SPATA31F3: variants seen among roughly 807,000 people sequenced by gnomAD.
SPATA31F3 encodes the protein protein SPATA31F3.
chr9:34,890,986 T>C, the SPATA31F3 span, among the ~76,000 whole-genome samples: 3 of 151,968 alleles, frequency 2.0e-5, no homozygotes, highest in Non-Finnish European at 4.4e-5. Flanking sequence ...GAGGCTCTGA[T>C]GGGCTCAATC....
the SPATA31F3 span, chr9:34,892,793 C>T: frequency 1.5e-5 from 9 of 610,104 alleles, no homozygotes; most frequent in East Asian, 1.1e-4. Flanking sequence ...TCTCTGTCCT[C>T]GCTGAAAGTG....
the SPATA31F3 span, chr9:34,894,391 G>T: frequency 3.7e-4 from 147 of 398,376 alleles, no homozygotes; most frequent in Non-Finnish European, 5.8e-4. Context: ...GCTGAGAAAT[G>T]ATCACAGACC....
At chr9:34,890,631 G>C in the SPATA31F3 span, among the ~76,000 whole-genome samples, 1 of 152,166 alleles carries the variant, frequency 6.6e-6, no homozygotes, top group Non-Finnish European at 1.5e-5. Flanking sequence ...GAAGTTTCTG[G>C]AGTAATGTTT....
At chr9:34,895,443 C>T in the SPATA31F3 span, 1 of 397,218 alleles carries the variant, frequency 2.5e-6, no homozygotes, top group African/African-American at 2.1e-5. Flanking sequence ...GAATAATCAC[C>T]CAAATTGGGA....
the SPATA31F3 span, chr9:34,892,955 T>A: frequency 2.9e-6 from 2 of 692,978 alleles, no homozygotes; most frequent in Non-Finnish European, 5.2e-6. Flanking sequence ...CTGACTATGC[T>A]TAAAAGACAC....
At chr9:34,894,864 C>A in the SPATA31F3 span, among the ~76,000 whole-genome samples, 2 of 152,020 alleles carry the variant, frequency 1.3e-5, no homozygotes, top group African/African-American at 2.4e-5. Flanking sequence ...TTTTAATGTG[C>A]CTAGGCTCTG....
chr9:34,894,390 T>C, the SPATA31F3 span: 1 of 398,518 alleles, frequency 2.5e-6, no homozygotes, highest in African/African-American at 2.1e-5. Context: ...AGCTGAGAAA[T>C]GATCACAGAC....
At chr9:34,892,369 G>A in the SPATA31F3 span, among the ~76,000 whole-genome samples, 236 of 152,298 alleles carry the variant, frequency 1.5e-3, 1 homozygote, top group African/African-American at 5.4e-3. Context: ...CTTAGAGATA[G>A]CATTCAGAGT....
At chr9:34,894,490 A>G in the SPATA31F3 span, 1 of 398,650 alleles carries the variant, frequency 2.5e-6, no homozygotes, top group Non-Finnish European at 4.4e-6. Flanking sequence ...TCTTCCTGTG[A>G]AGTTCTCCTA....
chr9:34,893,938 A>G, the SPATA31F3 span, among the ~76,000 whole-genome samples: 2 of 152,154 alleles, frequency 1.3e-5, no homozygotes, highest in African/African-American at 2.4e-5. Flanking sequence ...GATATACTCA[A>G]TATCTTTTGG....
At chr9:34,892,754 A>G in the SPATA31F3 span, 105 of 501,208 alleles carry the variant, frequency 2.1e-4, no homozygotes, top group Non-Finnish European at 3.5e-4. Context: ...CAGAGATCCC[A>G]TGACCTGGGA....
At chr9:34,894,074 A>T in the SPATA31F3 span, among the ~76,000 whole-genome samples, 1 of 152,226 alleles carries the variant, frequency 6.6e-6, no homozygotes, top group Non-Finnish European at 1.5e-5. Flanking sequence ...GACTCAGAGG[A>T]GAGGGAATAA....
the SPATA31F3 span, among the ~76,000 whole-genome samples, chr9:34,894,105 C>T: frequency 6.6e-6 from 1 of 152,184 alleles, no homozygotes. Flanking sequence ...ACAGGGATGA[C>T]TTCTTTACGC....
At chr9:34,891,678 A>G in the SPATA31F3 span, among the ~76,000 whole-genome samples, 2 of 152,202 alleles carry the variant, frequency 1.3e-5, no homozygotes, top group East Asian at 3.8e-4. Context: ...GCCTCTGGGC[A>G]TGGTCTAGGA....
chr9:34,889,311 G>A, the SPATA31F3 span: 5 of 398,574 alleles, frequency 1.3e-5, no homozygotes, highest in Non-Finnish European at 2.2e-5. Flanking sequence ...TGTAGGAGTG[G>A]CACAGGACCC....
chr9:34,893,392 G>A, the SPATA31F3 span, among the ~76,000 whole-genome samples: 1 of 152,112 alleles, frequency 6.6e-6, no homozygotes. Flanking sequence ...CCTGAGGTCA[G>A]GAGTTCGAGA....
At chr9:34,895,742 A>G in the SPATA31F3 span, 1 of 403,144 alleles carries the variant, frequency 2.5e-6, no homozygotes, top group Admixed American at 4.4e-5. Context: ...CTCACTAGCC[A>G]TCCCTCTCCC....
At chr9:34,889,714 G>A in the SPATA31F3 span, 1 of 397,730 alleles carries the variant, frequency 2.5e-6, no homozygotes, top group Non-Finnish European at 4.4e-6. Context: ...GTGTGGCCCT[G>A]CAAATTTTGA....
chr9:34,890,206 G>A, the SPATA31F3 span, among the ~76,000 whole-genome samples: 1 of 152,176 alleles, frequency 6.6e-6, no homozygotes, highest in African/African-American at 2.4e-5. Flanking sequence ...GCCCCTACTC[G>A]CCCCTGAACC....
Sources: gnomAD v4.1 joint callset for allele counts (sites outside exome capture counted in the v4.1 genomes callset) on GRCh38, gnomAD v4.1.1 for gene constraint, MANE v1.5 for transcripts, NCBI Gene and HGNC (gene_info 2026-07-23, HGNC 2026-07-21) for gene names.